Variants in TASP1 observed in about 807,000 individuals in gnomAD.
The protein encoded by TASP1 is taspase 1.
A neutral mutation model predicts 56.6 loss-of-function variants in TASP1; 16 were observed. The ratio of observed to expected loss-of-function variants is 0.28; its 90% CI spans 0.19 to 0.43. The LOEUF (loss-of-function observed/expected upper bound fraction) is 0.43, where lower values mean the gene tolerates loss of function less well. Ranked by LOEUF, TASP1 falls within the 20% of genes least tolerant of loss-of-function variation. The pLI, the probability that TASP1 is intolerant of heterozygous loss-of-function variation, is 1.00. For missense variants in TASP1, 393 were observed against 511.6 expected, an observed-to-expected ratio of 0.77 and a Z score of 2.24; for synonymous variants, 179 against 184.2, an observed-to-expected ratio of 0.97 and a Z score of 0.23.
the TASP1 span, chr20:13,299,112 G>A: frequency 6.2e-7 from 1 of 1,613,482 alleles, no homozygotes; most frequent in East Asian, 2.2e-5. This position sits in a 1 kb window ranked among gnomAD's most constrained non-coding sequence, Gnocchi z 5.8. Flanking sequence ...CCGCTGGAAG[G>A]ACGCCAGCGG....
intron 11 of TASP1, among the ~76,000 whole-genome samples, chr20:13,477,119 G>C (rs1267959529): frequency 6.6e-6 from 1 of 152,034 alleles, no homozygotes. Context: ...TCCTATGACA[G>C]CTACTGTTCA....
intron 13 of TASP1, among the ~76,000 whole-genome samples, chr20:13,416,580 A>T (rs743183): frequency 0.64 from 97,999 of 152,066 alleles, 31,828 homozygotes; most frequent in Non-Finnish European, 0.68. Flanking sequence ...TCAATCTGTA[A>T]CAGACTGCTC....
chr20:13,497,608 T>A (rs531715093), intron 10 of TASP1, among the ~76,000 whole-genome samples: 11 of 152,248 alleles, frequency 7.2e-5, no homozygotes, highest in Non-Finnish European at 1.5e-4. Context: ...TGCTGAATAG[T>A]AAGACTTGAC....
chr20:13,110,434 G>C, the TASP1 span, among the ~76,000 whole-genome samples: 12 of 152,202 alleles, frequency 7.9e-5, no homozygotes, highest in Non-Finnish European at 1.5e-5. Flanking sequence ...AGGCTGGCCG[G>C]CTTGTGAAGG....
At chr20:13,343,856 C>T in the TASP1 span, among the ~76,000 whole-genome samples, 1 of 151,844 alleles carries the variant, frequency 6.6e-6, no homozygotes, top group African/African-American at 2.4e-5. Context: ...CCTGCAGAAT[C>T]CAGGACTTGG....
chr20:13,597,466 T>A (rs1659889136), intron 4 of TASP1, among the ~76,000 whole-genome samples: 1 of 152,136 alleles, frequency 6.6e-6, no homozygotes, highest in African/African-American at 2.4e-5. Context: ...GAAAAGGCCT[T>A]CGACAAAATT....
chr20:13,133,748 G>A, the TASP1 span, among the ~76,000 whole-genome samples: 2 of 152,068 alleles, frequency 1.3e-5, no homozygotes, highest in Non-Finnish European at 2.9e-5. Context: ...GACGAGATAT[G>A]GGGTTTATTT....
the TASP1 span, among the ~76,000 whole-genome samples, chr20:13,380,841 C>A: frequency 2.0e-5 from 3 of 152,090 alleles, no homozygotes; most frequent in Non-Finnish European, 4.4e-5. Flanking sequence ...TGGACCCTGC[C>A]CAGTTCAAAC....
chr20:13,369,178 G>A, the TASP1 span, among the ~76,000 whole-genome samples: 3 of 152,222 alleles, frequency 2.0e-5, no homozygotes, highest in African/African-American at 7.2e-5. Context: ...AGGTGCAATG[G>A]CTCAAGCCTG....
At chr20:13,413,165 G>A (rs192859022) in intron 13 of TASP1, among the ~76,000 whole-genome samples, 245 of 152,252 alleles carry the variant, frequency 1.6e-3, no homozygotes, top group Admixed American at 6.7e-3. Context: ...ACCTCATGAG[G>A]TTTCGAAGAC....
chr20:13,530,120 T>C (rs372659819), intron 9 of TASP1, among the ~76,000 whole-genome samples: 1 of 152,146 alleles, frequency 6.6e-6, no homozygotes, highest in Non-Finnish European at 1.5e-5. Context: ...TCCCCAAGAC[T>C]CTGCGATGCA....
intron 12 of TASP1, among the ~76,000 whole-genome samples, chr20:13,431,626 G>C (rs558931364): frequency 1.3e-5 from 2 of 152,264 alleles, no homozygotes; most frequent in East Asian, 3.9e-4. Flanking sequence ...GAAGGAGGAA[G>C]AGAAAAGGAG....
chr20:13,146,031 C>T, the TASP1 span, among the ~76,000 whole-genome samples: 1 of 152,156 alleles, frequency 6.6e-6, no homozygotes, highest in African/African-American at 2.4e-5. Context: ...AACCTAAATC[C>T]TTATCAATGA....
intron 4 of TASP1, among the ~76,000 whole-genome samples, chr20:13,592,266 G>T (rs983586089): frequency 2.0e-5 from 3 of 151,750 alleles, no homozygotes; most frequent in African/African-American, 7.3e-5. Flanking sequence ...GCATGGTGGC[G>T]GGCACCTGTA....
chr20:13,630,204 GTTAC>G, intron 1 of TASP1, 52 bp from the exon 2 acceptor site: 2 of 937,602 alleles, frequency 2.1e-6, no homozygotes, highest in South Asian at 2.2e-5. Flanking sequence ...CAACACATAA[GTTAC>G]TTACACAAAT....
chr20:13,354,756 G>C, the TASP1 span, among the ~76,000 whole-genome samples: 6 of 152,022 alleles, frequency 3.9e-5, no homozygotes, highest in African/African-American at 1.2e-4. Context: ...CAGCCCTAAA[G>C]ACCGCATCAA....
intron 6 of TASP1, among the ~76,000 whole-genome samples, chr20:13,578,647 C>A (rs1473113843): frequency 6.6e-6 from 1 of 152,064 alleles, no homozygotes; most frequent in Non-Finnish European, 1.5e-5. Flanking sequence ...GATGTGACAT[C>A]GGAATTTAAT....
intron 8 of TASP1, among the ~76,000 whole-genome samples, chr20:13,537,122 T>C (rs1278651269): frequency 6.6e-6 from 1 of 152,156 alleles, no homozygotes; most frequent in Non-Finnish European, 1.5e-5. Flanking sequence ...AAAGTAATTT[T>C]CCTAGCATTT....
chr20:13,618,965 T>C (rs1335690749), intron 4 of TASP1, among the ~76,000 whole-genome samples: 1 of 151,704 alleles, frequency 6.6e-6, no homozygotes, highest in African/African-American at 2.4e-5. Flanking sequence ...GCCTCCTGGG[T>C]CCTGGTTCAA....
Sources: gnomAD v4.1 joint callset for allele counts (sites outside exome capture counted in the v4.1 genomes callset) on GRCh38, gnomAD v4.1.1 for gene constraint, Gnocchi (gnomAD v3.1) non-coding constraint, MANE v1.5 for transcripts, NCBI Gene and HGNC (gene_info 2026-07-23, HGNC 2026-07-21) for gene names.